RBFOX1: variants seen among roughly 807,000 people sequenced by gnomAD.
The protein encoded by RBFOX1 is RNA binding fox-1 homolog 1, also known as RNA binding protein fox-1 homolog 1.
RBFOX1 carries 8 observed loss-of-function variants against 57.7 expected under a neutral mutation model. That is an observed-to-expected ratio of 0.14 (90% CI 0.08 to 0.25). The LOEUF (loss-of-function observed/expected upper bound fraction) is 0.25, where lower values mean the gene tolerates loss of function less well. Ranked by LOEUF, RBFOX1 falls within the 10% of genes least tolerant of loss-of-function variation. The probability of loss-of-function intolerance (pLI) is 1.00; values close to 1 mark genes in which losing one functional copy is unlikely to be tolerated. For synonymous variants in RBFOX1, 326 were observed against 222.4 expected (o/e 1.47, Z -4.15); for missense variants, 611 against 548.5 (o/e 1.11, Z -1.14).
intron 3 of RBFOX1, among the ~76,000 whole-genome samples, chr16:5,735,499 C>T (rs1282522622): frequency 6.6e-6 from 1 of 152,236 alleles, no homozygotes; most frequent in Non-Finnish European, 1.5e-5. Context: ...CCCTTCAGTT[C>T]CTTCCCGCTT....
chr16:7,658,859 G>C (rs2066982100), intron 12 of RBFOX1, among the ~76,000 whole-genome samples: 1 of 152,156 alleles, frequency 6.6e-6, no homozygotes, highest in Admixed American at 6.5e-5. Context: ...CCAGGTAGCT[G>C]GGATTATAGG....
At chr16:5,445,010 T>C (rs1220545130) in intron 1 of RBFOX1, among the ~76,000 whole-genome samples, 2 of 152,228 alleles carry the variant, frequency 1.3e-5, no homozygotes, top group African/African-American at 2.4e-5. Flanking sequence ...TCCTCCTCCT[T>C]CTGTTTTTCT....
chr16:7,074,486 A>G (rs976927704), intron 4 of RBFOX1, among the ~76,000 whole-genome samples: 1 of 152,230 alleles, frequency 6.6e-6, no homozygotes. Context: ...CTGAATACAG[A>G]AATCTGTTAA....
chr16:6,922,389 C>A (rs183436761), intron 3 of RBFOX1, among the ~76,000 whole-genome samples: 22 of 152,282 alleles, frequency 1.4e-4, no homozygotes, highest in African/African-American at 5.3e-4. Context: ...ATCTGCCACC[C>A]GGCACAGCAG....
chr16:7,404,255 G>A (rs2148889348), intron 4 of RBFOX1, among the ~76,000 whole-genome samples: 1 of 152,070 alleles, frequency 6.6e-6, no homozygotes, highest in African/African-American at 2.4e-5. Context: ...GTTTCACCAT[G>A]TTAGTCAGGC....
chr16:6,914,192 C>T (rs1455946128), intron 3 of RBFOX1, among the ~76,000 whole-genome samples: 1 of 152,160 alleles, frequency 6.6e-6, no homozygotes, highest in African/African-American at 2.4e-5. Flanking sequence ...TCATTTCCTT[C>T]TAAAATACCT....
chr16:7,554,872 C>A (rs1264401218), intron 5 of RBFOX1, among the ~76,000 whole-genome samples: 2 of 152,198 alleles, frequency 1.3e-5, no homozygotes, highest in East Asian at 3.9e-4. Flanking sequence ...GTTGAAAATA[C>A]TTAGCTATTA....
intron 4 of RBFOX1, among the ~76,000 whole-genome samples, chr16:7,221,383 A>C (rs867398678): frequency 2.0e-5 from 3 of 151,168 alleles, no homozygotes; most frequent in African/African-American, 7.3e-5. Flanking sequence ...TTATTTATTT[A>C]TGAGACAGAG....
intron 3 of RBFOX1, among the ~76,000 whole-genome samples, chr16:6,700,454 T>C: frequency 6.6e-6 from 1 of 152,028 alleles, no homozygotes; most frequent in East Asian, 1.9e-4. Flanking sequence ...GGTCAGGAGT[T>C]GGAGACCAGC....
At chr16:7,421,401 T>G (rs1356895977) in intron 4 of RBFOX1, among the ~76,000 whole-genome samples, 1 of 152,228 alleles carries the variant, frequency 6.6e-6, no homozygotes, top group Non-Finnish European at 1.5e-5. Flanking sequence ...CATCTAGGAC[T>G]GTTTATATTC....
At chr16:6,673,498 G>T in intron 3 of RBFOX1, among the ~76,000 whole-genome samples, 1 of 152,174 alleles carries the variant, frequency 6.6e-6, no homozygotes. Context: ...TGAGGTAGGA[G>T]AATCACCTGA....
At chr16:5,319,418 G>A (rs530799500) in intron 1 of RBFOX1, among the ~76,000 whole-genome samples, 3 of 152,122 alleles carry the variant, frequency 2.0e-5, no homozygotes, top group African/African-American at 4.8e-5. Context: ...CCCTCCCACT[G>A]GTCTTTTCAT....
chr16:6,915,354 C>G (rs566001089), intron 3 of RBFOX1, among the ~76,000 whole-genome samples: 66 of 152,274 alleles, frequency 4.3e-4, no homozygotes, highest in Admixed American at 1.6e-3. Context: ...GAAGCTTGCT[C>G]TACAGATTAG....
chr16:7,191,312 A>G (rs907214245), intron 4 of RBFOX1, among the ~76,000 whole-genome samples: 8 of 150,094 alleles, frequency 5.3e-5, no homozygotes. Context: ...TTCTAATAAG[A>G]CGTATAATCC....
chr16:5,696,190 G>T (rs141108310), intron 3 of RBFOX1, among the ~76,000 whole-genome samples: 43 of 152,220 alleles, frequency 2.8e-4, no homozygotes, highest in African/African-American at 9.9e-4. Flanking sequence ...TAAAATCCAT[G>T]AAAGAGCTGA....
intron 14 of RBFOX1, among the ~76,000 whole-genome samples, chr16:7,684,063 CATTTT>C (rs1442749453): frequency 6.6e-6 from 1 of 152,030 alleles, no homozygotes; most frequent in Non-Finnish European, 1.5e-5. Context: ...TCTAATATTT[CATTTT>C]AAGTTATCAA....
At chr16:5,602,559 T>C (rs1033814611), downstream of RBFOX1, among the ~76,000 whole-genome samples, 2 of 152,224 alleles carry the variant, frequency 1.3e-5, no homozygotes, top group Non-Finnish European at 2.9e-5. Flanking sequence ...GCCTGTATTA[T>C]ATGATTCCAA....
intron 3 of RBFOX1, among the ~76,000 whole-genome samples, chr16:6,838,697 C>T (rs2093279897): frequency 6.6e-6 from 1 of 152,104 alleles, no homozygotes; most frequent in African/African-American, 2.4e-5. Flanking sequence ...CATGCTAATC[C>T]CCAGTCTGGG....
intron 3 of RBFOX1, among the ~76,000 whole-genome samples, chr16:6,866,582 C>G (rs1188551848): frequency 8.2e-6 from 1 of 121,242 alleles, no homozygotes; most frequent in African/African-American, 3.3e-5. Flanking sequence ...CGCTCTGTCC[C>G]CCAGGCTGGA....
Sources: gnomAD v4.1 joint callset for allele counts (sites outside exome capture counted in the v4.1 genomes callset) on GRCh38, gnomAD v4.1.1 for gene constraint, MANE v1.5 for transcripts, NCBI Gene and HGNC (gene_info 2026-07-23, HGNC 2026-07-21) for gene names.